Variants in ACBD6 observed in about 807,000 individuals in gnomAD.
ACBD6 encodes acyl-CoA binding domain containing 6, also known as acyl-CoA-binding domain-containing protein 6.
A neutral mutation model predicts 37.2 loss-of-function variants in ACBD6; 28 were observed. That is an observed-to-expected ratio of 0.75 (90% CI 0.56 to 1.03). The LOEUF (loss-of-function observed/expected upper bound fraction) is 1.03, where lower values mean the gene tolerates loss of function less well. Ranked by LOEUF, ACBD6 falls within the 50% of genes least tolerant of loss-of-function variation. The probability of loss-of-function intolerance (pLI) is 0.00; values close to 1 mark genes in which losing one functional copy is unlikely to be tolerated. For synonymous variants in ACBD6, 113 were observed against 126.8 expected (o/e 0.89, Z 0.73); for missense variants, 340 against 337.4 (o/e 1.01, Z -0.06).
intron 6 of ACBD6, 36 bp downstream of exon 6, chr1:180,397,480 A>G: frequency 6.4e-7 from 1 of 1,559,854 alleles, no homozygotes; most frequent in South Asian, 1.1e-5. Flanking sequence ...TTATACTTCA[A>G]TTTAAAAAAT....
chr1:180,487,343 AC>A (rs61335968), intron 3 of ACBD6, among the ~76,000 whole-genome samples: 16,080 of 152,096 alleles, frequency 0.11, 1,226 homozygotes, highest in African/African-American at 0.21. Context: ...CGAGAAATAA[AC>A]CATTCCTAAG....
intron 6 of ACBD6, among the ~76,000 whole-genome samples, chr1:180,382,596 T>G (rs1482373176): frequency 1.3e-5 from 2 of 152,182 alleles, no homozygotes; most frequent in Non-Finnish European, 2.9e-5. Flanking sequence ...CAGGACTGGA[T>G]GGCTTCACTG....
chr1:180,289,298 C>T (rs1649612211), intron 7 of ACBD6, among the ~76,000 whole-genome samples: 1 of 152,034 alleles, frequency 6.6e-6, no homozygotes, highest in African/African-American at 2.4e-5. Flanking sequence ...AACTGGGACT[C>T]ACTAAAGGCA....
chr1:180,406,136 G>C (rs1328740034), intron 5 of ACBD6, among the ~76,000 whole-genome samples: 4 of 152,126 alleles, frequency 2.6e-5, no homozygotes, highest in South Asian at 2.1e-4. Context: ...TACTATACCA[G>C]TAGGAAATAC....
chr1:180,417,963 T>C (rs1009147730), intron 4 of ACBD6, among the ~76,000 whole-genome samples: 1 of 152,202 alleles, frequency 6.6e-6, no homozygotes, highest in Admixed American at 6.5e-5. Context: ...AATATAATGT[T>C]AGAAAATAAT....
chr1:180,297,255 G>C (rs1395496157), intron 7 of ACBD6, among the ~76,000 whole-genome samples: 2 of 152,090 alleles, frequency 1.3e-5, no homozygotes, highest in Non-Finnish European at 2.9e-5. Context: ...GCCAAAACCA[G>C]GTTGTGATAG....
At chr1:180,344,464 A>G (rs1052315619) in intron 6 of ACBD6, among the ~76,000 whole-genome samples, 3 of 152,268 alleles carry the variant, frequency 2.0e-5, no homozygotes, top group Admixed American at 2.0e-4. Context: ...TATTTTTAAA[A>G]AAGTATTTTG....
intron 6 of ACBD6, among the ~76,000 whole-genome samples, chr1:180,385,346 T>G (rs1367968836): frequency 1.3e-5 from 2 of 149,840 alleles, no homozygotes; most frequent in Non-Finnish European, 3.0e-5. Flanking sequence ...AGTAATTACA[T>G]TAAATGTAAA....
At chr1:180,391,512 C>A (rs1214019321) in intron 6 of ACBD6, among the ~76,000 whole-genome samples, 2 of 90,168 alleles carry the variant, frequency 2.2e-5, no homozygotes, top group Admixed American at 2.2e-4. Flanking sequence ...GAAATTTCCA[C>A]AATGAACATA....
chr1:180,415,777 C>T (rs893117677), intron 4 of ACBD6, among the ~76,000 whole-genome samples: 2 of 152,040 alleles, frequency 1.3e-5, no homozygotes, highest in South Asian at 2.1e-4. Context: ...GCATGTATAC[C>T]GTTGTAAGCA....
intron 3 of ACBD6, among the ~76,000 whole-genome samples, chr1:180,471,692 A>C (rs901038881): frequency 1.3e-5 from 2 of 152,150 alleles, no homozygotes; most frequent in Non-Finnish European, 2.9e-5. Context: ...ACCAGCCCCC[A>C]TGATTCAATT....
Position 180,337,419 on chromosome 1 carries a change from T to C in ACBD6, c.664-22697A>G, listed in dbSNP as rs915805120. On this transcript the variant is annotated intron_variant, in intron 6 of 7. Coordinates refer to ENST00000367595, the MANE Select transcript of ACBD6 (RefSeq NM_032360.4). ...GACAAAAACCACATGATTATCTCAA[T>C]AGATGCAGAAAAGGCCTTTGACAAA... Among the ~76,000 whole-genome samples, 7 of 152,260 alleles carry C rather than the reference T, an allele frequency of 4.6e-5. No homozygotes were observed. The South Asian group carries it at 1.0e-3, about 23-fold the overall frequency.
chr1:180,453,717 A>G (rs1020536494), intron 3 of ACBD6, among the ~76,000 whole-genome samples: 2 of 152,238 alleles, frequency 1.3e-5, no homozygotes, highest in Admixed American at 1.3e-4. Flanking sequence ...TACAAAATCA[A>G]TGTGCAAAAA....
At chr1:180,410,556 C>T (rs886531685) in intron 5 of ACBD6, among the ~76,000 whole-genome samples, 1 of 152,076 alleles carries the variant, frequency 6.6e-6, no homozygotes, top group Non-Finnish European at 1.5e-5. Flanking sequence ...TCTATTCTGC[C>T]TGTGCTTTTG....
intron 6 of ACBD6, among the ~76,000 whole-genome samples, chr1:180,376,688 C>T (rs1653448901): frequency 6.6e-6 from 1 of 152,088 alleles, no homozygotes; most frequent in South Asian, 2.1e-4. Context: ...ACAAAGGAGA[C>T]TGGTTACCTG....
Position 180,288,373 on chromosome 1 carries a change from C to A in ACBD6, c.839G>T (p.Gly280Val), listed in dbSNP as rs1424861860. 1 of 1,613,714 alleles carries A rather than the reference C, an allele frequency of 6.2e-7. No homozygotes were observed. The highest frequency in any genetic ancestry group is 2.2e-5 in the East Asian group (1 of 44,882). ...VSLVLQRHTT[G>V]KA ...TTTCCAGTCTTTTGATTAAGCCTTGCCAGTTGTGTGCCGCTGCAGCACCAA... is the reference window on the plus strand; with the variant it reads ...TTTCCAGTCTTTTGATTAAGCCTTGACAGTTGTGTGCCGCTGCAGCACCAA... The change falls in exon 8 of 8, where the codon GGC becomes GTC. Residue 280 changes from glycine (G) to valine (V), a missense_variant. By Grantham distance (109) the Gly-to-Val change is moderately radical (BLOSUM62 -3). Coordinates refer to ENST00000367595, the MANE Select transcript of ACBD6 (RefSeq NM_032360.4).
intron 6 of ACBD6, among the ~76,000 whole-genome samples, chr1:180,365,858 TTTC>T (rs1253205208): frequency 1.3e-5 from 2 of 152,226 alleles, no homozygotes; most frequent in Non-Finnish European, 2.9e-5. Context: ...GAGTCTTTTT[TTTC>T]TTATCTTTTT....
chr1:180,367,386 T>TA (rs1653091532), intron 6 of ACBD6, among the ~76,000 whole-genome samples: 4 of 152,204 alleles, frequency 2.6e-5, no homozygotes, highest in Admixed American at 2.6e-4. Context: ...CTTTCCTTTT[T>TA]AAAAAAACTT....
intron 7 of ACBD6, among the ~76,000 whole-genome samples, chr1:180,291,162 ATTATGAACAGGGATC>A (rs1034691117): frequency 3.3e-5 from 5 of 152,154 alleles, no homozygotes; most frequent in African/African-American, 4.8e-5. Context: ...AATTTTTGGC[ATTATGAACAGGGATC>A]TTACGAACAG....
Sources: gnomAD v4.1 joint callset for allele counts (sites outside exome capture counted in the v4.1 genomes callset) on GRCh38, gnomAD v4.1.1 for gene constraint, MANE v1.5 for transcripts, NCBI Gene and HGNC (gene_info 2026-07-23, HGNC 2026-07-21) for gene names.